The following ALPK3 variants were observed in gnomAD, a reference collection of about 807,000 sequenced individuals.
The protein encoded by ALPK3 is alpha kinase 3, also known as alpha-protein kinase 3.
ALPK3 carries 102 observed loss-of-function variants against 140.0 expected under a neutral mutation model. That is an observed-to-expected ratio of 0.73 (90% CI 0.62 to 0.86). The LOEUF is 0.86. Ranked by LOEUF, ALPK3 falls within the 40% of genes least tolerant of loss-of-function variation. The pLI is 0.00. For synonymous variants in ALPK3, 938 were observed against 898.5 expected, an observed-to-expected ratio of 1.04 and a Z score of -0.79; for missense variants, 2,254 against 2,208.2, an observed-to-expected ratio of 1.02 and a Z score of -0.42.
At chr15:84,826,801 G>C (rs1378077061) in intron 2 of ALPK3, among the ~76,000 whole-genome samples, 1 of 152,180 alleles carries the variant, frequency 6.6e-6, no homozygotes, top group Non-Finnish European at 1.5e-5. Flanking sequence ...GGTATCCAGG[G>C]ATGGAGCAGG....
At position 84,862,832 on chromosome 15, in the gene ALPK3, A is replaced by G. The variant is rs755244843; in HGVS notation, c.4327A>G (p.Ile1443Val). The G allele has an allele frequency of 5.6e-6, 9 of 1,614,028 alleles. No individual in the cohort carries two copies. Reference sequence around the variant, plus strand: ...CATCTTCGAGTCGGGCCGCACGTGCATCATCAAGGTGTCCAGCCTGCTTGT... The same window carrying G: ...CATCTTCGAGTCGGGCCGCACGTGCGTCATCAAGGTGTCCAGCCTGCTTGT... Reference protein sequence around the residue: ...EPIFESGRTCIIKVSSLLVFG... With the variant: ...EPIFESGRTCVIKVSSLLVFG... Residue 1443 changes from isoleucine to valine, a missense_variant, in exon 10 of 14, where the codon ATC (isoleucine) becomes GTC (valine). Around this residue, in one of 3 missense-constraint regions of ALPK3, gnomAD observed 2,088 missense variants for 2,022.9 expected, o/e 1.03. Transcript: ENST00000258888.
At position 84,857,801 on chromosome 15, in the gene ALPK3, C is replaced by T; in HGVS notation, c.3063C>T (p.Asn1021=). 1 of 1,611,408 alleles carries T rather than the reference C, an allele frequency of 6.2e-7. No homozygotes were observed. Among genetic ancestry groups the T allele is most frequent in the Non-Finnish European group, 8.5e-7 (1 of 1,178,234 alleles). The part of the protein sequence containing the change: ...SRRILERVEN[N]HLVQSAQTLL... ...GCATCCTGGAGCGTGTGGAGAACAA[C>T]CACCTGGTGCAGAGTGCACAGACCC... Residue 1021 remains asparagine, a synonymous_variant, in exon 6 of 14, where the codon AAC becomes AAT. Transcript: ENST00000258888.
chr15:84,850,096 A>G (rs1307069731), intron 5 of ALPK3, among the ~76,000 whole-genome samples: 2 of 151,876 alleles, frequency 1.3e-5, no homozygotes, highest in African/African-American at 4.8e-5. Context: ...GAAAAAAAAA[A>G]AAGACTACTA....
At position 84,857,057 on chromosome 15, in the gene ALPK3, C is replaced by G. The variant is rs200922661; in HGVS notation, c.2319C>G (p.Pro773=). 1.2e-6 allele frequency: 2 copies of G among 1,614,158 alleles called. No individual in the cohort carries two copies. Among genetic ancestry groups the G allele is most frequent in the African/African-American group, 1.3e-5 (1 of 75,036 alleles). ...TCCCAAAAAAACCTGGTTGCCTGCC[C>G]AGATCTGAGGAGGCAGTAGTAACAG... The part of the protein sequence containing the change: ...SCFPKKPGCL[P]RSEEAVVTAS... The change falls in exon 6 of 14, where the codon CCC becomes CCG. Residue 773 remains proline, a synonymous_variant. Coordinates refer to ENST00000258888, the MANE Select transcript of ALPK3 (RefSeq NM_020778.5).
chr15:84,826,569 A>C (rs116902953), intron 2 of ALPK3, among the ~76,000 whole-genome samples: 1 of 152,150 alleles, frequency 6.6e-6, no homozygotes, highest in East Asian at 1.9e-4. Context: ...AGGGTTTGGC[A>C]TGGTAGTTTG....
intron 9 of ALPK3, among the ~76,000 whole-genome samples, chr15:84,861,437 A>G (rs1348733655): frequency 6.6e-6 from 1 of 152,180 alleles, no homozygotes; most frequent in Non-Finnish European, 1.5e-5. Context: ...CTGGAGGCAC[A>G]TACTGTCAGA....
rs1964075944 is a variant in ALPK3 at position 84,871,879 on chromosome 15, T to C, written c.*3423T>C. 6.6e-6 allele frequency: 1 copy of C among 152,272 alleles called. No individual in the cohort carries two copies. Among genetic ancestry groups the C allele is most frequent in the Non-Finnish European group, 1.5e-5 (1 of 68,050 alleles). 9.4% of individuals were successfully genotyped at this position (152,272 alleles called of 1,614,324 possible). ...ATGTGAGGAGGTCACATGATGTTTA[T>C]GGCATTTGAGAATTCCATGGATATT... On this transcript the variant is annotated 3_prime_UTR_variant, in exon 14 of 14. Coordinates refer to ENST00000258888, the MANE Select transcript of ALPK3 (RefSeq NM_020778.5).
At chr15:84,848,632 C>T (rs1963763256) in intron 5 of ALPK3, among the ~76,000 whole-genome samples, 1 of 152,102 alleles carries the variant, frequency 6.6e-6, no homozygotes, top group African/African-American at 2.4e-5. Flanking sequence ...ATTATATTAA[C>T]TATAAATGGT....
chr15:84,842,083 C>T lies in ALPK3; in HGVS notation c.1653+1151C>T, dbSNP rs184091973. On this transcript the variant is annotated intron_variant, in intron 5 of 13. Transcript: ENST00000258888. ...AGATGGAGTTGCCCAGGCTGGAGTG[C>T]AGTACAGTGGTGCGATCTCAGCTCA... 9.8e-5 allele frequency among the ~76,000 whole-genome samples: 15 copies of T among 152,296 alleles called. No individual in the cohort carries two copies. The East Asian group carries it at 1.9e-3, about 20-fold the overall frequency.
intron 5 of ALPK3, among the ~76,000 whole-genome samples, chr15:84,845,412 T>G (rs1161462857): frequency 6.6e-6 from 1 of 151,926 alleles, no homozygotes; most frequent in African/African-American, 2.4e-5. Context: ...TCTTCCTTGG[T>G]CCAGATCACA....
intron 3 of ALPK3, among the ~76,000 whole-genome samples, chr15:84,835,868 A>G (rs1342149766): frequency 6.6e-6 from 1 of 152,176 alleles, no homozygotes; most frequent in Non-Finnish European, 1.5e-5. Context: ...TAAATATTTG[A>G]TGAGTGTTGA....
At chr15:84,862,609 C>T (rs778266929) in intron 9 of ALPK3, 26 bp from the exon 10 acceptor site, 44 of 1,577,022 alleles carry the variant, frequency 2.8e-5, no homozygotes, top group Middle Eastern at 1.7e-4. Flanking sequence ...CTCCTGGTCT[C>T]CCACATTTCT....
At chr15:84,821,318 G>A (rs893428921) in intron 1 of ALPK3, among the ~76,000 whole-genome samples, 1 of 152,162 alleles carries the variant, frequency 6.6e-6, no homozygotes, top group Non-Finnish European at 1.5e-5. Context: ...CTGGGGGAGG[G>A]GTCCTCTGTC....
In ALPK3 at chr15:84,857,269, C is replaced by T. The variant is rs1240384484; in HGVS notation, c.2531C>T (p.Pro844Leu). The T allele has an allele frequency of 4.3e-6, 7 of 1,613,972 alleles. No homozygotes were observed. Among genetic ancestry groups the T allele is most frequent in the Non-Finnish European group, 5.9e-6 (7 of 1,180,006 alleles). ...TTCCAGTGCCCCAAGGAGGAGCGGCCAGGGGGAGTGCCGTGTATGGATCAG... is the reference window on the plus strand; with the variant it reads ...TTCCAGTGCCCCAAGGAGGAGCGGCTAGGGGGAGTGCCGTGTATGGATCAG... The part of the protein sequence containing the change: ...SPFQCPKEER[P>L]GGVPCMDQGG... Residue 844 changes from proline to leucine, a missense_variant, in exon 6 of 14, where the codon CCA becomes CTA. By Grantham distance (98) the Pro-to-Leu change is moderately conservative (BLOSUM62 -3). Around this residue, in one of 3 missense-constraint regions of ALPK3, gnomAD observed 2,088 missense variants for 2,022.9 expected, o/e 1.03. Transcript: ENST00000258888.
At position 84,827,542 on chromosome 15, in the gene ALPK3, A is replaced by G. The variant is rs201679725; in HGVS notation, c.241A>G (p.Thr81Ala). The part of the protein sequence containing the change: ...LTEETQPLFE[T>A]TLKSRSVSED... ...AGAGGAGACCCAGCCGCTATTTGAG[A>G]CCACGCTCAAGTCCCGGTCTGTGTC... The change falls in exon 3 of 14, where the codon ACC becomes GCC. Residue 81 changes from threonine to alanine, a missense_variant. Coordinates refer to ENST00000258888, the MANE Select transcript of ALPK3 (RefSeq NM_020778.5). 18 of 1,614,082 alleles carry G rather than the reference A, an allele frequency of 1.1e-5. No individual in the cohort carries two copies. The highest frequency in any genetic ancestry group is 1.7e-5 in the Admixed American group (1 of 60,004).
intron 4 of ALPK3, 100 bp from the exon 5 acceptor site, chr15:84,839,602 A>C (rs1466214425): frequency 7.7e-7 from 1 of 1,297,942 alleles, no homozygotes; most frequent in East Asian, 2.3e-5. Flanking sequence ...TGCTGTAGGG[A>C]GGGGGAAGTG....
chr15:84,849,806 G>A, intron 5 of ALPK3, among the ~76,000 whole-genome samples: 1 of 151,670 alleles, frequency 6.6e-6, no homozygotes, highest in East Asian at 1.9e-4. Context: ...AAAAGAAAAA[G>A]GATCTGAAAT....
intron 2 of ALPK3, 92 bp from the exon 3 acceptor site, chr15:84,827,392 G>A: frequency 6.4e-7 from 1 of 1,556,482 alleles, no homozygotes; most frequent in Non-Finnish European, 8.8e-7. Flanking sequence ...AAGATGGGCA[G>A]GCATGGTAAG....
At position 84,840,866 on chromosome 15, in the gene ALPK3, C is replaced by G. The variant is rs1963656252; in HGVS notation, c.1587C>G (p.Ala529=). ...QASVQVPTPP[A]RRRHGTRDST... is the part of the protein sequence containing the mutation. The stretch of plus-strand genomic sequence containing the variant: ...CTGTGCAGGTGCCGACGCCCCCTGC[C>G]CGGCGGAGACATGGCACCCGGGACA... Residue 529 remains alanine (A), a synonymous_variant, in exon 5 of 14, where the codon GCC becomes GCG. Transcript: ENST00000258888. 1 of 1,613,794 alleles carries G rather than the reference C, an allele frequency of 6.2e-7. No individual in the cohort carries two copies. Among genetic ancestry groups the G allele is most frequent in the African/African-American group, 1.3e-5 (1 of 74,910 alleles).
Sources: allele counts gnomAD v4.1 joint callset (sites outside exome capture counted in the v4.1 genomes callset), GRCh38; gene constraint gnomAD v4.1.1; regional missense constraint gnomAD v4.1.1; transcripts MANE v1.5; gene names NCBI Gene and HGNC (gene_info 2026-07-23, HGNC 2026-07-21).